Variants in EFCAB13 observed in about 807,000 individuals in gnomAD.
EFCAB13 encodes EF-hand calcium binding domain 13.
EFCAB13 carries 91 observed loss-of-function variants against 110.2 expected under a neutral mutation model. The observed-to-expected ratio is 0.83, with a 90% CI of 0.70 to 0.98. EFCAB13 has a LOEUF of 0.98. Ranked by LOEUF, EFCAB13 falls within the 50% of genes least tolerant of loss-of-function variation. The pLI, the probability that EFCAB13 is intolerant of heterozygous loss-of-function variation, is 0.00. For missense variants in EFCAB13, 968 were observed against 1,119.4 expected, an observed-to-expected ratio of 0.86 and a Z score of 1.93; for synonymous variants, 323 against 369.9, an observed-to-expected ratio of 0.87 and a Z score of 1.45.
chr17:47,328,663 C>G, intron 4 of EFCAB13: 1 of 323,134 alleles, frequency 3.1e-6, no homozygotes, highest in Non-Finnish European at 5.6e-6. Flanking sequence ...AAGGGTTAAA[C>G]TTACATGAGA....
chr17:47,437,397 C>G (rs116951208), intron 24 of EFCAB13, among the ~76,000 whole-genome samples: 6,270 of 152,202 alleles, frequency 0.041, 183 homozygotes, highest in Middle Eastern at 0.15. Flanking sequence ...CTCTCCACCT[C>G]ATTTCTTAGG....
intron 10 of EFCAB13, 85 bp from the exon 11 acceptor site, chr17:47,370,352 T>C (rs909910763): frequency 4.3e-6 from 4 of 930,674 alleles, no homozygotes; most frequent in East Asian, 2.5e-5. Context: ...TGCCACACAT[T>C]CTGTGTTGTT....
chr17:47,368,801 G>T (rs1352287616), intron 10 of EFCAB13, among the ~76,000 whole-genome samples: 1 of 152,100 alleles, frequency 6.6e-6, no homozygotes, highest in Admixed American at 6.5e-5. Flanking sequence ...AAATATTATG[G>T]GAAGATGACT....
At chr17:47,324,875 C>A (rs1365604829) in intron 2 of EFCAB13, among the ~76,000 whole-genome samples, 3 of 148,560 alleles carry the variant, frequency 2.0e-5, no homozygotes, top group African/African-American at 7.5e-5. Context: ...TGGCTGGGTT[C>A]AATTTCTTTA....
At chr17:47,416,750 G>T (rs186797840) in intron 23 of EFCAB13, among the ~76,000 whole-genome samples, 1 of 152,252 alleles carries the variant, frequency 6.6e-6, no homozygotes, top group Admixed American at 6.5e-5. Context: ...CATGCTGATA[G>T]CATGTGTTTT....
rs76297370 is a variant in EFCAB13 at position 47,405,525 on chromosome 17, T to C, written c.2233+892T>C. Among the ~76,000 whole-genome samples, 646 of 152,262 alleles carry C rather than the reference T, an allele frequency of 4.2e-3. 18 individuals are homozygous for C. The East Asian group carries it at 0.064, about 15-fold the overall frequency. The stretch of plus-strand genomic sequence containing the variant: ...TAGTTTATTTTTGATTTTTTGACTT[T>C]GATGGATTGCTTTTTGCCATCTTTT... On this transcript the variant is annotated intron_variant, in intron 20 of 24. Transcript: ENST00000331493.
At chr17:47,424,191 G>A (rs1904843719) in intron 23 of EFCAB13, among the ~76,000 whole-genome samples, 2 of 152,210 alleles carry the variant, frequency 1.3e-5, no homozygotes, top group Admixed American at 1.3e-4. Context: ...CGGCGCCAGC[G>A]TGGACGGCGG....
intron 10 of EFCAB13, among the ~76,000 whole-genome samples, chr17:47,362,917 C>T (rs554790626): frequency 1.1e-4 from 17 of 152,168 alleles, no homozygotes; most frequent in East Asian, 7.7e-4. Context: ...ACCTGGCATT[C>T]GGGGCCACTA....
chr17:47,430,097 C>A, intron 24 of EFCAB13, 136 bp downstream of exon 24: 3 of 1,338,302 alleles, frequency 2.2e-6, no homozygotes, highest in Non-Finnish European at 2.9e-6. Flanking sequence ...ACTGGTACTG[C>A]CCCTACAGGT....
intron 2 of EFCAB13, among the ~76,000 whole-genome samples, chr17:47,325,923 A>AAT (rs60735562): frequency 0.035 from 3,565 of 101,926 alleles, 107 homozygotes; most frequent in Non-Finnish European, 0.042. Flanking sequence ...ATATAAACAA[A>AAT]ATATATATAT....
intron 23 of EFCAB13, among the ~76,000 whole-genome samples, chr17:47,420,709 G>A (rs796393235): frequency 0.057 from 840 of 14,686 alleles, no homozygotes; most frequent in Non-Finnish European, 0.09. Context: ...CCCTCCGCCC[G>A]GCAGCCGCCC....
In EFCAB13 at chr17:47,374,921, C is replaced by A; in HGVS notation, c.1327C>A (p.Gln443Lys). 6.3e-7 allele frequency: 1 copy of A among 1,593,462 alleles called. No homozygotes were observed. The highest frequency in any genetic ancestry group is 8.5e-7 in the Non-Finnish European group (1 of 1,174,546). Residue 443 changes from glutamine (Q) to lysine (K), a missense_variant, in exon 12 of 25, where the codon CAA becomes AAA. Transcript: ENST00000331493. Reference protein sequence around the residue: ...KPAVRKHSSLQKQVSSTEKTA... With the variant: ...KPAVRKHSSLKKQVSSTEKTA... Reference sequence around the variant, plus strand: ...AGCTGTAAGAAAGCATTCCAGTCTCCAAAAACAGGTTTCGTCTACGGAAAA... The same window carrying A: ...AGCTGTAAGAAAGCATTCCAGTCTCAAAAAACAGGTTTCGTCTACGGAAAA...
At chr17:47,375,612 T>TA (rs2065611053) in intron 12 of EFCAB13, among the ~76,000 whole-genome samples, 1 of 152,112 alleles carries the variant, frequency 6.6e-6, no homozygotes, top group African/African-American at 2.4e-5. Context: ...TTCTGACACA[T>TA]AGACTAATGG....
intron 3 of EFCAB13, 64 bp from the exon 4 acceptor site, chr17:47,328,205 G>A (rs1882909739): frequency 4.0e-6 from 3 of 751,866 alleles, no homozygotes; most frequent in Non-Finnish European, 7.1e-6. Context: ...CTTCAGGTAG[G>A]TAAATATAAT....
chr17:47,372,156 ATCCTTT>A (rs2065588190), intron 11 of EFCAB13, among the ~76,000 whole-genome samples: 1 of 151,008 alleles, frequency 6.6e-6, no homozygotes, highest in Admixed American at 6.6e-5. Context: ...TGTTTCATAG[ATCCTTT>A]GTTTCCTTAT....
intron 18 of EFCAB13, among the ~76,000 whole-genome samples, chr17:47,402,522 T>G (rs2065784563): frequency 6.6e-6 from 1 of 152,198 alleles, no homozygotes; most frequent in Non-Finnish European, 1.5e-5. Context: ...CATGTAATTT[T>G]AAGGGAATAT....
chr17:47,357,435 G>A (rs558212449), intron 9 of EFCAB13, among the ~76,000 whole-genome samples: 8 of 152,212 alleles, frequency 5.3e-5, no homozygotes, highest in Admixed American at 3.3e-4. Flanking sequence ...CCTTGACAAA[G>A]CATAAATTAC....
chr17:47,406,018 G>A (rs2065803459), intron 20 of EFCAB13, among the ~76,000 whole-genome samples: 1 of 151,866 alleles, frequency 6.6e-6, no homozygotes, highest in Non-Finnish European at 1.5e-5. Flanking sequence ...TATTATTATG[G>A]TTATTTTATA....
At chr17:47,353,026 G>A (rs185578094) in intron 9 of EFCAB13, among the ~76,000 whole-genome samples, 4 of 152,248 alleles carry the variant, frequency 2.6e-5, no homozygotes, top group Non-Finnish European at 4.4e-5. Flanking sequence ...TCAACAAACA[G>A]ACATAATTTG....
Sources: allele counts gnomAD v4.1 joint callset (sites outside exome capture counted in the v4.1 genomes callset), GRCh38; gene constraint gnomAD v4.1.1; transcripts MANE v1.5; gene names NCBI Gene and HGNC (gene_info 2026-07-23, HGNC 2026-07-21).